C1orf21: variants seen among roughly 807,000 people sequenced by gnomAD.
C1orf21 encodes the protein chromosome 1 open reading frame 21.
A neutral mutation model predicts 18.7 loss-of-function variants in C1orf21; 3 were observed. The ratio of observed to expected loss-of-function variants is 0.16; its 90% CI spans 0.07 to 0.42. The LOEUF (loss-of-function observed/expected upper bound fraction) is 0.42, where lower values mean the gene tolerates loss of function less well. Among genes scored for constraint, C1orf21 ranks in the 10% least tolerant of loss-of-function variants. The pLI is 0.99. For missense variants in C1orf21, 104 were observed against 143.6 expected, an observed-to-expected ratio of 0.72 and a Z score of 1.41; for synonymous variants, 41 against 46.4, an observed-to-expected ratio of 0.88 and a Z score of 0.47.
At chr1:184,398,810 A>G (rs143074029) in intron 1 of C1orf21, among the ~76,000 whole-genome samples, 1,537 of 152,300 alleles carry the variant, frequency 0.01, 26 homozygotes, top group African/African-American at 0.035. Context: ...AAAAAATGAT[A>G]TACCTGTGTA....
At chr1:184,403,757 A>G (rs906571351) in intron 1 of C1orf21, among the ~76,000 whole-genome samples, 15 of 152,180 alleles carry the variant, frequency 9.9e-5, no homozygotes, top group African/African-American at 3.6e-4. Context: ...TTTAGTGGCA[A>G]TAACTTTTTG....
intron 3 of C1orf21, among the ~76,000 whole-genome samples, chr1:184,589,115 C>T (rs1659400725): frequency 6.6e-6 from 1 of 152,186 alleles, no homozygotes; most frequent in Non-Finnish European, 1.5e-5. Flanking sequence ...AAGTCACTTT[C>T]CTGCCTCAGC....
intron 3 of C1orf21, among the ~76,000 whole-genome samples, chr1:184,546,811 A>G (rs910881711): frequency 3.3e-5 from 5 of 152,194 alleles, no homozygotes; most frequent in African/African-American, 4.8e-5. Flanking sequence ...TCCAGTTCAC[A>G]TAAAGGACTG....
At chr1:184,472,624 T>C (rs1571374615) in intron 1 of C1orf21, among the ~76,000 whole-genome samples, 1 of 152,176 alleles carries the variant, frequency 6.6e-6, no homozygotes, top group African/African-American at 2.4e-5. Flanking sequence ...AGATTTTGCT[T>C]TTTTTATTCC....
chr1:184,421,241 C>A (rs900081779), intron 1 of C1orf21, among the ~76,000 whole-genome samples: 1 of 152,130 alleles, frequency 6.6e-6, no homozygotes, highest in South Asian at 2.1e-4. Flanking sequence ...CCTGCCTCAG[C>A]CTCCCAAGGC....
chr1:184,545,626 C>G (rs1571408355), intron 3 of C1orf21, among the ~76,000 whole-genome samples: 1 of 152,132 alleles, frequency 6.6e-6, no homozygotes, highest in African/African-American at 2.4e-5. Flanking sequence ...CTATGCTCGC[C>G]TCAGATCTTC....
chr1:184,524,810 G>A (rs1333209528), intron 3 of C1orf21, among the ~76,000 whole-genome samples: 1 of 152,086 alleles, frequency 6.6e-6, no homozygotes. Context: ...ACATCAAAAT[G>A]TATACGGTTT....
At chr1:184,467,645 T>C (rs944978181) in intron 1 of C1orf21, among the ~76,000 whole-genome samples, 6 of 152,210 alleles carry the variant, frequency 3.9e-5, no homozygotes, top group African/African-American at 1.4e-4. Context: ...CTGCCAAAAT[T>C]AACCTCTCAT....
chr1:184,489,783 T>C (rs1480562809), intron 2 of C1orf21, among the ~76,000 whole-genome samples: 1 of 152,240 alleles, frequency 6.6e-6, no homozygotes, highest in Non-Finnish European at 1.5e-5. Context: ...GTTTAAAATA[T>C]ATGTAAAATT....
chr1:184,392,356 A>G (rs1227568287), intron 1 of C1orf21, among the ~76,000 whole-genome samples: 1 of 152,152 alleles, frequency 6.6e-6, no homozygotes, highest in East Asian at 1.9e-4. Context: ...TGCTCCCTCT[A>G]AGATAACCTG....
intron 1 of C1orf21, among the ~76,000 whole-genome samples, chr1:184,395,428 G>T (rs1025785284): frequency 1.3e-5 from 2 of 151,994 alleles, no homozygotes; most frequent in African/African-American, 4.8e-5. Flanking sequence ...TGTTGGCCAG[G>T]GTTAAGGGAC....
chr1:184,411,457 T>C (rs1259370900), intron 1 of C1orf21, among the ~76,000 whole-genome samples: 1 of 143,722 alleles, frequency 7.0e-6, no homozygotes, highest in Admixed American at 7.1e-5. Flanking sequence ...AGTCTCACTC[T>C]GTCGCCCAGG....
intron 1 of C1orf21, among the ~76,000 whole-genome samples, chr1:184,471,609 C>T (rs1657497936): frequency 1.3e-5 from 2 of 152,054 alleles, no homozygotes; most frequent in Non-Finnish European, 2.9e-5. Flanking sequence ...TTCTCATGCC[C>T]TCTCCAACAC....
At chr1:184,568,504 T>C (rs1558004858) in intron 3 of C1orf21, 1 of 461,062 alleles carries the variant, frequency 2.2e-6, no homozygotes. Context: ...TATAAGGGAA[T>C]AATATTTGAT....
intron 1 of C1orf21, among the ~76,000 whole-genome samples, chr1:184,418,355 A>C (rs1656492439): frequency 6.6e-6 from 1 of 152,100 alleles, no homozygotes; most frequent in Non-Finnish European, 1.5e-5. Flanking sequence ...AATAGCTGGC[A>C]TGTGCCACCA....
intron 2 of C1orf21, 76 bp from the exon 3 acceptor site, chr1:184,507,512 T>C (rs1350011556): frequency 1.6e-6 from 2 of 1,239,458 alleles, no homozygotes; most frequent in African/African-American, 1.5e-5. Context: ...AATTACACTA[T>C]TGGGATTTTC....
chr1:184,448,320 G>C (rs554404022), intron 1 of C1orf21, among the ~76,000 whole-genome samples: 1 of 152,288 alleles, frequency 6.6e-6, no homozygotes, highest in East Asian at 1.9e-4. Context: ...ATGACCTCAA[G>C]TGATTGTCCC....
At chr1:184,392,975 C>T (rs1655996969) in intron 1 of C1orf21, among the ~76,000 whole-genome samples, 1 of 151,872 alleles carries the variant, frequency 6.6e-6, no homozygotes, top group South Asian at 2.1e-4. Context: ...GCCACAGGTG[C>T]ACACCATACA....
intron 1 of C1orf21, among the ~76,000 whole-genome samples, chr1:184,462,479 C>T (rs567389259): frequency 6.6e-6 from 1 of 152,230 alleles, no homozygotes; most frequent in South Asian, 2.1e-4. Context: ...TCTACAGGCC[C>T]ATATCTTGGA....
Sources: allele counts gnomAD v4.1 joint callset (sites outside exome capture counted in the v4.1 genomes callset), GRCh38; gene constraint gnomAD v4.1.1; transcripts MANE v1.5; gene names NCBI Gene and HGNC (gene_info 2026-07-23, HGNC 2026-07-21).